Variants in SNX25 observed in about 807,000 individuals in gnomAD.
The protein encoded by SNX25 is sorting nexin 25.
In SNX25, 62 loss-of-function variants were observed where a neutral mutation model predicts 113.7. The ratio of observed to expected loss-of-function variants is 0.55; its 90% CI spans 0.44 to 0.67. The LOEUF is 0.67. SNX25 is among the 30% of genes least tolerant of loss of function. SNX25 has a pLI of 0.00. For synonymous variants in SNX25, 421 were observed against 436.2 expected (o/e 0.97, Z 0.43); for missense variants, 1,014 against 1,161.0 (o/e 0.87, Z 1.84).
intron 6 of SNX25, among the ~76,000 whole-genome samples, chr4:185,305,627 A>G (rs1754356933): frequency 6.6e-6 from 1 of 152,182 alleles, no homozygotes; most frequent in Admixed American, 6.5e-5. Context: ...TTTATAGCGA[A>G]AAGCATTTCT....
intron 6 of SNX25, among the ~76,000 whole-genome samples, chr4:185,293,509 G>A (rs1423142061): frequency 6.6e-6 from 1 of 152,306 alleles, no homozygotes; most frequent in Non-Finnish European, 1.5e-5. Flanking sequence ...GGCACATATT[G>A]CATGATTTCA....
the SNX25 span, chr4:185,378,392 G>C: frequency 2.7e-5 from 37 of 1,377,936 alleles, no homozygotes; most frequent in Non-Finnish European, 3.2e-5. Context: ...CTCCTCCCTA[G>C]CTGAGAGACA....
chr4:185,375,494 A>ATATATATATGTG, the SNX25 span: 1 of 58,558 alleles, frequency 1.7e-5, no homozygotes, highest in African/African-American at 1.1e-4. Flanking sequence ...AAAAATATAT[A>ATATATATATGTG]TATATATATA....
chr4:185,375,487 A>AAAAAAAAAATATAT, the SNX25 span: 3 of 12,010 alleles, frequency 2.5e-4, no homozygotes, highest in East Asian at 2.6e-3. Context: ...AAAAAAAAAA[A>AAAAAAAAAATATAT]ATATATATAT....
At chr4:185,280,489 G>C (rs1750414177) in intron 5 of SNX25, among the ~76,000 whole-genome samples, 1 of 152,182 alleles carries the variant, frequency 6.6e-6, no homozygotes, top group African/African-American at 2.4e-5. Context: ...GTTAATAGTG[G>C]TTAACTTTGA....
At chr4:185,356,297 G>A (rs1032990540) in intron 15 of SNX25, among the ~76,000 whole-genome samples, 1 of 152,068 alleles carries the variant, frequency 6.6e-6, no homozygotes, top group African/African-American at 2.4e-5. Context: ...TAATACCCCT[G>A]GCCCCCTTTT....
At chr4:185,339,700 T>C (rs1292292173) in intron 11 of SNX25, among the ~76,000 whole-genome samples, 190 bp downstream of exon 11, 1 of 152,188 alleles carries the variant, frequency 6.6e-6, no homozygotes, top group Non-Finnish European at 1.5e-5. Context: ...ACAAGGCTGC[T>C]TGGTATAGAT....
downstream of SNX25, among the ~76,000 whole-genome samples, chr4:185,373,320 A>C (rs542603132): frequency 3.9e-5 from 6 of 152,322 alleles, no homozygotes; most frequent in African/African-American, 1.4e-4. Flanking sequence ...CTTATGGCAG[A>C]GGAAGACCAG....
At chr4:185,285,939 ATTTTTT>A (rs397951411) in intron 5 of SNX25, among the ~76,000 whole-genome samples, 123 of 148,178 alleles carry the variant, frequency 8.3e-4, no homozygotes, top group African/African-American at 2.9e-3. Context: ...TGCCCAGCTA[ATTTTTT>A]TTTTTTATTT....
downstream of SNX25, among the ~76,000 whole-genome samples, chr4:185,367,618 T>A (rs2095394178): frequency 6.6e-6 from 1 of 152,204 alleles, no homozygotes. Flanking sequence ...AAATTTTATT[T>A]TAAAATATAC....
At chr4:185,270,457 C>G (rs997311180) in intron 5 of SNX25, among the ~76,000 whole-genome samples, 9 of 152,214 alleles carry the variant, frequency 5.9e-5, no homozygotes, top group African/African-American at 2.2e-4. Context: ...GAAGCAGGCC[C>G]TTTGGTCTTG....
intron 1 of SNX25, among the ~76,000 whole-genome samples, chr4:185,243,651 T>C (rs1270170887): frequency 1.3e-5 from 2 of 152,022 alleles, no homozygotes; most frequent in Admixed American, 1.3e-4. Context: ...AAACATTAAC[T>C]CACCATTCTC....
chr4:185,215,936 A>G (rs1738744346), intron 1 of SNX25, among the ~76,000 whole-genome samples: 1 of 151,918 alleles, frequency 6.6e-6, no homozygotes, highest in African/African-American at 2.4e-5. Context: ...AGCTGGGACT[A>G]CAGGTGTGCA....
chr4:185,350,122 C>T (rs1204010910), intron 13 of SNX25, among the ~76,000 whole-genome samples: 3 of 152,148 alleles, frequency 2.0e-5, no homozygotes, highest in African/African-American at 4.8e-5. Context: ...CTGCAGGGTA[C>T]GTGAATGCTG....
upstream of SNX25, among the ~76,000 whole-genome samples, chr4:185,206,659 T>C (rs1254700193): frequency 5.0e-5 from 1 of 19,922 alleles, no homozygotes. Context: ...AACTCTTGTC[T>C]CAAAAAAAAA....
chr4:185,259,217 G>A (rs1746888435), intron 3 of SNX25, among the ~76,000 whole-genome samples, 153 bp downstream of exon 3: 1 of 151,738 alleles, frequency 6.6e-6, no homozygotes, highest in South Asian at 2.1e-4. Context: ...TTATGTTCTG[G>A]TAGAGTATTT....
rs1463412273 is a variant in SNX25, at chr4:185,204,469, T to A, written c.-64+2T>A. On this transcript the variant is annotated splice_donor_variant, in intron 1 of 18. Coordinates refer to the SNX25 transcript ENST00000504273. LOFTEE classifies it low-confidence loss of function (5UTR_SPLICE). Reference sequence around the variant, plus strand: ...GACCTTTGCCGAGTGGTAAACGAGGTGGGTAGTTAAAACAATCTAAGGTAA... The same window carrying A: ...GACCTTTGCCGAGTGGTAAACGAGGAGGGTAGTTAAAACAATCTAAGGTAA... The A allele has an allele frequency of 6.6e-6, 1 of 152,134 alleles. No homozygotes were observed. The highest frequency in any genetic ancestry group is 1.5e-5 in the Non-Finnish European group (1 of 68,042). 9.4% of individuals were successfully genotyped at this position (152,134 alleles called of 1,614,324 possible). A position where few individuals can be genotyped will look rare whatever the true frequency, so the allele number is the denominator to read the frequency against.
At chr4:185,240,827 C>G (rs1743793394) in intron 1 of SNX25, among the ~76,000 whole-genome samples, 1 of 150,990 alleles carries the variant, frequency 6.6e-6, no homozygotes, top group Middle Eastern at 3.5e-3. Context: ...CAGAGGGTCT[C>G]CTCACTTCTC....
intron 6 of SNX25, among the ~76,000 whole-genome samples, chr4:185,290,307 G>C (rs1751962320): frequency 6.6e-6 from 1 of 152,324 alleles, no homozygotes; most frequent in East Asian, 1.9e-4. Context: ...CTTGATTCTT[G>C]AGTGTCTGTG....
Sources: gnomAD v4.1 joint callset for allele counts (sites outside exome capture counted in the v4.1 genomes callset) on GRCh38, gnomAD v4.1.1 for gene constraint, MANE v1.5 for transcripts, NCBI Gene and HGNC (gene_info 2026-07-23, HGNC 2026-07-21) for gene names.